The following CCNY variants were observed in gnomAD, a reference collection of about 807,000 sequenced individuals.
CCNY encodes cyclin Y.
In CCNY, 19 loss-of-function variants were observed where a neutral mutation model predicts 42.8. The observed-to-expected ratio is 0.44, with a 90% CI of 0.31 to 0.65. The LOEUF is 0.65. Ranked by LOEUF, CCNY falls within the 30% of genes least tolerant of loss-of-function variation. CCNY has a pLI of 0.07. For synonymous variants in CCNY, 165 were observed against 162.7 expected (o/e 1.01, Z -0.11); for missense variants, 370 against 437.3 (o/e 0.85, Z 1.37).
intron 1 of CCNY, among the ~76,000 whole-genome samples, chr10:35,358,236 A>G (rs1388746253): frequency 6.8e-6 from 1 of 146,768 alleles, no homozygotes; most frequent in African/African-American, 2.5e-5. Context: ...TTTTTTTTAA[A>G]CTCATGATTT....
intron 1 of CCNY, among the ~76,000 whole-genome samples, chr10:35,477,446 AG>A (rs371942325): frequency 0.013 from 1,961 of 151,282 alleles, 31 homozygotes; most frequent in East Asian, 0.055. Context: ...ACCATGATCA[AG>A]TGGGCTTCAT....
rs1054866717 is a variant in CCNY at position 35,336,686 on chromosome 10, C to G, written c.-368C>G. The stretch of plus-strand genomic sequence containing the variant: ...GCCGCAGCCGCCGGGGAAGCGGACA[C>G]CAACTGGGGAAGCGCGGGGGGGAGG... On this transcript the variant is annotated 5_prime_UTR_variant, in exon 1 of 10. Transcript: ENST00000374704. Among the ~76,000 whole-genome samples, 1 of 147,584 alleles carries G rather than the reference C, an allele frequency of 6.8e-6. No individual in the cohort carries two copies. Among genetic ancestry groups the G allele is most frequent in the East Asian group, 2.0e-4 (1 of 5,094 alleles).
chr10:35,267,329 G>A (rs1162855405), intron 3 of CCNY, among the ~76,000 whole-genome samples: 1 of 151,700 alleles, frequency 6.6e-6, no homozygotes, highest in Non-Finnish European at 1.5e-5. Flanking sequence ...AAAAAAAAGA[G>A]GATAATTCCA....
chr10:35,423,416 C>CAGTG (rs1364669480), intron 1 of CCNY, among the ~76,000 whole-genome samples: 2 of 149,200 alleles, frequency 1.3e-5, no homozygotes, highest in African/African-American at 2.5e-5. Flanking sequence ...GTTGAGGCTA[C>CAGTG]AGTGAATCAT....
At chr10:35,538,862 A>G (rs565778471) in intron 7 of CCNY, among the ~76,000 whole-genome samples, 1 of 152,342 alleles carries the variant, frequency 6.6e-6, no homozygotes, top group East Asian at 1.9e-4. Context: ...TGCATAACCC[A>G]TGGTCATGAT....
intron 2 of CCNY, among the ~76,000 whole-genome samples, chr10:35,249,161 C>T (rs1488196439): frequency 2.6e-5 from 4 of 152,110 alleles, no homozygotes; most frequent in South Asian, 2.1e-4. Context: ...AGGCTGGTCT[C>T]GAACTCCTGA....
chr10:35,336,521 C>T lies in CCNY; in HGVS notation c.-533C>T, dbSNP rs1266170235. 3 of 149,034 alleles carry T rather than the reference C, an allele frequency of 2.0e-5. No homozygotes were observed. Among genetic ancestry groups the T allele is most frequent in the African/African-American group, 7.3e-5 (3 of 40,984 alleles). 9.2% of individuals were successfully genotyped at this position (149,034 alleles called of 1,614,324 possible). A position where few individuals can be genotyped will look rare whatever the true frequency, so the allele number is the denominator to read the frequency against. On this transcript the variant is annotated 5_prime_UTR_variant, in exon 1 of 10. Coordinates refer to ENST00000374704, the MANE Select transcript of CCNY (RefSeq NM_145012.6). ...GAGGGCCGCCAGCATCCTCCCTGGC[C>T]GCGCCGCACCGCGCCGCGAGGAGTC...
chr10:35,335,932 G>A (rs556637119), upstream of CCNY: 3 of 149,512 alleles, frequency 2.0e-5, no homozygotes, highest in East Asian at 5.9e-4. Context: ...ACACACCTTA[G>A]CCAGGCGTGG....
At chr10:35,308,243 C>A (rs552806289) in intron 3 of CCNY, among the ~76,000 whole-genome samples, 3 of 152,106 alleles carry the variant, frequency 2.0e-5, no homozygotes, top group African/African-American at 7.2e-5. Flanking sequence ...GATGGCAGAG[C>A]ACGCAAAAGA....
chr10:35,387,361 G>C (rs567411605), intron 1 of CCNY, among the ~76,000 whole-genome samples: 1 of 152,314 alleles, frequency 6.6e-6, no homozygotes, highest in South Asian at 2.1e-4. Context: ...GAGGCTTCAG[G>C]GTTCTGCCCC....
intron 7 of CCNY, among the ~76,000 whole-genome samples, chr10:35,532,015 C>G (rs1840779753): frequency 6.6e-6 from 1 of 152,234 alleles, no homozygotes; most frequent in South Asian, 2.1e-4. Flanking sequence ...TTCATTTGTC[C>G]TATGAAATAG....
chr10:35,331,328 C>T lies in CCNY; in HGVS notation c.-9+80702C>T, dbSNP rs183034767. ...TCTCAAGGATCCCACATATATATACCATTTCTCTTCTTGAAAAGTATGGAA... is the reference window on the plus strand; with the variant it reads ...TCTCAAGGATCCCACATATATATACTATTTCTCTTCTTGAAAAGTATGGAA... On this transcript the variant is annotated intron_variant, in intron 3 of 11. Transcript: ENST00000374706. 3.3e-5 allele frequency among the ~76,000 whole-genome samples: 5 copies of T among 152,302 alleles called. No homozygotes were observed. The South Asian group carries it at 6.2e-4, about 19-fold the overall frequency.
chr10:35,304,320 T>A lies in CCNY; in HGVS notation c.-9+53694T>A, dbSNP rs1429353099. Among the ~76,000 whole-genome samples, 8 of 108,888 alleles carry A rather than the reference T, an allele frequency of 7.3e-5. 3 individuals are homozygous for A. The East Asian group carries it at 1.0e-3, about 14-fold the overall frequency. The allele number at this position is 108,888 out of a possible 152,430, so 71.4% of individuals were successfully genotyped here. ...TTTTTTTTTTTTTTTTATTTTTTAT[T>A]TTTTTTTGAGACGGAGTCTCGCTCT... On this transcript the variant is annotated intron_variant, in intron 3 of 11. Transcript: ENST00000374706.
intron 3 of CCNY, among the ~76,000 whole-genome samples, chr10:35,290,353 T>C (rs1317020444): frequency 1.3e-5 from 2 of 151,534 alleles, no homozygotes; most frequent in African/African-American, 2.4e-5. Context: ...GAGGCAGAGG[T>C]TGCAGTGAGC....
intron 4 of CCNY, among the ~76,000 whole-genome samples, chr10:35,522,400 T>TA (rs769529748): frequency 1.1e-4 from 16 of 152,196 alleles, no homozygotes; most frequent in Admixed American, 3.3e-4. Flanking sequence ...CTTACCCCAC[T>TA]GTGGGTCTAC....
chr10:35,262,289 A>G (rs959285805), intron 3 of CCNY, among the ~76,000 whole-genome samples: 3 of 148,608 alleles, frequency 2.0e-5, no homozygotes, highest in Non-Finnish European at 4.5e-5. Flanking sequence ...AGAATTGAAT[A>G]GTATGAGTGT....
chr10:35,466,329 G>A (rs1191117921), intron 1 of CCNY, among the ~76,000 whole-genome samples: 1 of 152,130 alleles, frequency 6.6e-6, no homozygotes, highest in Admixed American at 6.6e-5. Flanking sequence ...CAGGGCAGAG[G>A]GGCTGGCCTG....
Position 35,571,964 on chromosome 10 carries a change from T to A in CCNY, c.*2794T>A, listed in dbSNP as rs79395955. 1.7e-5 allele frequency: 1 copy of A among 60,228 alleles called. No individual in the cohort carries two copies. Among genetic ancestry groups the A allele is most frequent in the Admixed American group, 1.8e-4 (1 of 5,596 alleles). 3.7% of individuals were successfully genotyped at this position (60,228 alleles called of 1,614,324 possible). ...TTTTTGATTTGTTTTACTTTTCTTA[T>A]TTTTTTTTTTTTAACTAGAAAAAGG... On this transcript the variant is annotated 3_prime_UTR_variant, in exon 10 of 10. Transcript: ENST00000374704.
chr10:35,366,625 G>A (rs1211034609), intron 1 of CCNY, among the ~76,000 whole-genome samples: 1 of 152,190 alleles, frequency 6.6e-6, no homozygotes, highest in Non-Finnish European at 1.5e-5. Flanking sequence ...CATTCAGCTG[G>A]ACATTTGGGC....
Sources: gnomAD v4.1 joint callset for allele counts (sites outside exome capture counted in the v4.1 genomes callset) on GRCh38, gnomAD v4.1.1 for gene constraint, MANE v1.5 for transcripts, NCBI Gene and HGNC (gene_info 2026-07-23, HGNC 2026-07-21) for gene names.